GPN2: variants seen among roughly 807,000 people sequenced by gnomAD.
The protein encoded by GPN2 is ATP-binding domain 1 family member B.
A neutral mutation model predicts 30.1 loss-of-function variants in GPN2; 27 were observed. That is an observed-to-expected ratio of 0.90 (90% confidence interval 0.66 to 1.24). GPN2 has a LOEUF of 1.24. Ranked by LOEUF, GPN2 falls within the 50% of genes most tolerant of loss-of-function variation. GPN2 has a pLI of 0.00. For synonymous variants in GPN2, 212 were observed against 174.4 expected, an observed-to-expected ratio of 1.22 and a Z score of -1.70; for missense variants, 406 against 405.4, an observed-to-expected ratio of 1.00 and a Z score of -0.01.
In GPN2 at chr1:26,877,380, T is replaced by C. The variant is rs998039634; in HGVS notation, c.*2297A>G. On this transcript the variant is annotated 3_prime_UTR_variant, in exon 5 of 5. Transcript: ENST00000374135. The stretch of plus-strand genomic sequence containing the variant: ...AGCAAAGCAGTCAGTCCTATTTCAA[T>C]GCTGTTTCAGAACAGATGTCCCTAA... 6.6e-6 allele frequency: 1 copy of C among 152,234 alleles called. No individual in the cohort carries two copies. The highest frequency in any genetic ancestry group is 1.5e-5 in the Non-Finnish European group (1 of 68,066). The allele number at this position is 152,234 out of a possible 1,614,324, so 9.4% of individuals were successfully genotyped here.
Position 26,890,225 on chromosome 1 carries a change from G to T in GPN2, c.-129C>A. 2.5e-6 allele frequency: 2 copies of T among 802,534 alleles called. No individual in the cohort carries two copies. The highest frequency in any genetic ancestry group is 3.8e-6 in the Non-Finnish European group (2 of 527,546). The allele number at this position is 802,534 out of a possible 1,614,324, so 49.7% of individuals were successfully genotyped here. On this transcript the variant is annotated 5_prime_UTR_variant, in exon 1 of 5. Transcript: ENST00000374135. ...TGGCGGCCAGCGTCACTCGCCTCAG[G>T]CGGAACAGCTGAGACCGTGTCGCGC...
intron 4 of GPN2, among the ~76,000 whole-genome samples, chr1:26,880,787 C>T (rs1445881029): frequency 6.6e-6 from 1 of 152,204 alleles, no homozygotes; most frequent in Non-Finnish European, 1.5e-5. Flanking sequence ...TATTTGCAAC[C>T]CTTGAAACCT....
rs1167252102 is a variant in GPN2, at chr1:26,884,148, T to C, written c.860+12A>G. 2 of 1,608,872 alleles carry C rather than the reference T, an allele frequency of 1.2e-6. No individual in the cohort carries two copies. Among genetic ancestry groups the C allele is most frequent in the Admixed American group, 1.7e-5 (1 of 59,692 alleles). ...ACCCTCTCTGCTATGGCCAGGAAGC[T>C]GGCAAGGATACGAAGAGAAATGGAA... On this transcript the variant is annotated intron_variant, in intron 4 of 4. Coordinates refer to ENST00000374135, the MANE Select transcript of GPN2 (RefSeq NM_018066.4).
chr1:26,879,889 T>C (rs1187341335), intron 4 of GPN2, 140 bp from the exon 5 acceptor site: 8 of 661,304 alleles, frequency 1.2e-5, no homozygotes, highest in Non-Finnish European at 2.2e-5. Context: ...CAATCAGGTA[T>C]GAGAAGCCTC....
intron 4 of GPN2, among the ~76,000 whole-genome samples, chr1:26,883,341 T>C (rs2081873916): frequency 6.6e-6 from 1 of 152,240 alleles, no homozygotes; most frequent in African/African-American, 2.4e-5. Context: ...CTCTCCCGAA[T>C]GACTAATGCC....
chr1:26,889,692 G>A lies in GPN2; in HGVS notation c.405C>T (p.Asp135=), dbSNP rs1018154029. Residue 135 remains aspartate, a synonymous_variant, in exon 1 of 5, where the codon GAC becomes GAT. Coordinates refer to ENST00000374135, the MANE Select transcript of GPN2 (RefSeq NM_018066.4). The part of the protein sequence containing the change: ...RSIFSQMAQW[D]LRLTAVHLVD... The stretch of plus-strand genomic sequence containing the variant: ...TCCCCGCCCTGAGACGCACCCTGAG[G>A]TCCCACTGCGCCATTTGGGAGAAGA... The A allele has an allele frequency of 1.9e-6, 3 of 1,577,094 alleles. No individual in the cohort carries two copies. The highest frequency in any genetic ancestry group is 2.3e-5 in the South Asian group (2 of 86,048).
intron 2 of GPN2, 189 bp downstream of exon 2, chr1:26,888,780 T>C (rs2081904443): frequency 3.1e-6 from 2 of 652,630 alleles, no homozygotes; most frequent in Non-Finnish European, 2.8e-6. Flanking sequence ...TGTAGCTCTC[T>C]TGTCTCCAAA....
intron 2 of GPN2, among the ~76,000 whole-genome samples, chr1:26,887,489 ATC>A (rs1469466030): frequency 6.6e-6 from 1 of 151,894 alleles, no homozygotes; most frequent in Non-Finnish European, 1.5e-5. Context: ...TGGTCATTTT[ATC>A]TGTCTTCTCT....
rs754474474 is a variant in GPN2 at position 26,885,939 on chromosome 1, G to A, written c.729+34C>T. On this transcript the variant is annotated intron_variant, in intron 3 of 4. Coordinates refer to ENST00000374135, the MANE Select transcript of GPN2 (RefSeq NM_018066.4). Reference sequence around the variant, plus strand: ...GTGCTTTTGGCTTGGTGAATCCCATGCACTGTCAAGAGTCCCGTCTTAGCC... The same window carrying A: ...GTGCTTTTGGCTTGGTGAATCCCATACACTGTCAAGAGTCCCGTCTTAGCC... 3.3e-6 allele frequency: 5 copies of A among 1,527,170 alleles called. No individual in the cohort carries two copies. In the Admixed American group the frequency reaches 6.7e-5, roughly 21 times the overall value. 94.6% of individuals were successfully genotyped at this position (1,527,170 alleles called of 1,614,324 possible). A position where few individuals can be genotyped will look rare whatever the true frequency, so the allele number is the denominator to read the frequency against.
At chr1:26,884,811 G>C (rs2081882665) in intron 3 of GPN2, among the ~76,000 whole-genome samples, 1 of 152,130 alleles carries the variant, frequency 6.6e-6, no homozygotes, top group South Asian at 2.1e-4. Flanking sequence ...GTGAAACCCT[G>C]TCTCTACTGA....
Position 26,885,984 on chromosome 1 carries a change from G to A in GPN2, c.718C>T (p.Leu240Phe), listed in dbSNP as rs769706103. The A allele has an allele frequency of 6.2e-6, 10 of 1,611,970 alleles. No individual in the cohort carries two copies. Among genetic ancestry groups the A allele is most frequent in the Non-Finnish European group, 8.5e-6 (10 of 1,178,176 alleles). The change falls in exon 3 of 5, where the codon CTC (leucine) becomes TTC (phenylalanine). Residue 240 changes from leucine (L) to phenylalanine (F), a missense_variant. Physicochemically the swap from Leu to Phe is conservative, Grantham distance 22. Coordinates refer to ENST00000374135, the MANE Select transcript of GPN2 (RefSeq NM_018066.4). The part of the protein sequence containing the change: ...EDYSLVSFIP[L>F]NIQDKESIQR... ...TTAGCCCCTAGTACCTGGATGTTGA[G>A]AGGGATAAAGGAGACAAGGCTATAG...
intron 4 of GPN2, among the ~76,000 whole-genome samples, chr1:26,881,263 A>C (rs1255733226): frequency 6.6e-6 from 1 of 152,190 alleles, no homozygotes; most frequent in Non-Finnish European, 1.5e-5. Flanking sequence ...CCTACCACAC[A>C]TCATAGCTTA....
chr1:26,882,695 C>T (rs896561534), intron 4 of GPN2, among the ~76,000 whole-genome samples: 2 of 152,218 alleles, frequency 1.3e-5, no homozygotes, highest in Admixed American at 6.5e-5. Context: ...TCCTGCTTCA[C>T]GCATGGCCTC....
chr1:26,879,347 GA>G lies in GPN2; in HGVS notation c.*329del. ...ATTCTTCCCCAAACCCCTGGGCCCG[GA>G]AGACTGAAGAAAAGTTTGGAAGTCA... is the stretch of plus-strand genomic sequence containing the variant. On this transcript the variant is annotated 3_prime_UTR_variant, in exon 5 of 5. Coordinates refer to ENST00000374135, the MANE Select transcript of GPN2 (RefSeq NM_018066.4). The G allele has an allele frequency of 3.5e-6, 1 of 282,898 alleles. No homozygotes were observed. The highest frequency in any genetic ancestry group is 6.9e-6 in the Non-Finnish European group (1 of 144,446). 17.5% of individuals were successfully genotyped at this position (282,898 alleles called of 1,614,324 possible). A position where few individuals can be genotyped will look rare whatever the true frequency, so the allele number is the denominator to read the frequency against.
At chr1:26,884,818 C>T (rs377525792) in intron 3 of GPN2, among the ~76,000 whole-genome samples, 2 of 152,126 alleles carry the variant, frequency 1.3e-5, no homozygotes, top group East Asian at 3.9e-4. Context: ...CCTGTCTCTA[C>T]TGAAAATACA....
At position 26,890,224 on chromosome 1, in the gene GPN2, G is replaced by A; in HGVS notation, c.-128C>T. 2 of 813,656 alleles carry A rather than the reference G, an allele frequency of 2.5e-6. No homozygotes were observed. The highest frequency in any genetic ancestry group is 3.8e-5 in the South Asian group (2 of 52,552). The allele number at this position is 813,656 out of a possible 1,614,324, so 50.4% of individuals were successfully genotyped here. On this transcript the variant is annotated 5_prime_UTR_variant, in exon 1 of 5. Transcript: ENST00000374135. ...TTGGCGGCCAGCGTCACTCGCCTCA[G>A]GCGGAACAGCTGAGACCGTGTCGCG...
intron 2 of GPN2, 168 bp downstream of exon 2, chr1:26,888,801 G>A (rs2081904567): frequency 4.4e-6 from 3 of 674,944 alleles, no homozygotes; most frequent in Non-Finnish European, 8.0e-6. Flanking sequence ...ATCTACAACG[G>A]TAACTAGCAC....
Position 26,889,770 on chromosome 1 carries a change from G to C in GPN2, c.327C>G (p.Phe109Leu). 1 of 1,613,864 alleles carries C rather than the reference G, an allele frequency of 6.2e-7. No individual in the cohort carries two copies. Among genetic ancestry groups the C allele is most frequent in the Non-Finnish European group, 8.5e-7 (1 of 1,179,964 alleles). ...AGAGCTCCACCTGGCCTGGGCAGTC[G>C]AAGAGGAAGTAGTGGCCGCGGAGGG... is the stretch of plus-strand genomic sequence containing the variant. ...LDPLRGHYFLFDCPGQVELCT... is the reference protein window; with the variant it reads ...LDPLRGHYFLLDCPGQVELCT... Residue 109 changes from phenylalanine (F) to leucine (L), a missense_variant, in exon 1 of 5, where the codon TTC becomes TTG. Transcript: ENST00000374135.
chr1:26,886,215 T>C, intron 2 of GPN2, 82 bp from the exon 3 acceptor site: 1 of 907,850 alleles, frequency 1.1e-6, no homozygotes. Context: ...CTTTTTTCCT[T>C]TGTGCACTCA....
Sources: allele counts gnomAD v4.1 joint callset (sites outside exome capture counted in the v4.1 genomes callset), GRCh38; gene constraint gnomAD v4.1.1; transcripts MANE v1.5; gene names NCBI Gene and HGNC (gene_info 2026-07-23, HGNC 2026-07-21).